ROBO1: variants seen among roughly 807,000 people sequenced by gnomAD.
ROBO1 encodes roundabout homolog 1.
ROBO1 carries 149 observed loss-of-function variants against 195.9 expected under a neutral mutation model. The observed-to-expected ratio is 0.76, with a 90% CI of 0.67 to 0.87. The LOEUF is 0.87. ROBO1 is among the 40% of genes least tolerant of loss of function. The pLI is 0.00. For synonymous variants in ROBO1, 816 were observed against 733.2 expected, an observed-to-expected ratio of 1.11 and a Z score of -1.82; for missense variants, 1,933 against 2,068.3, an observed-to-expected ratio of 0.93 and a Z score of 1.27.
At chr3:78,623,226 T>C (rs1034188442) in intron 26 of ROBO1, among the ~76,000 whole-genome samples, 1 of 152,152 alleles carries the variant, frequency 6.6e-6, no homozygotes, top group African/African-American at 2.4e-5. Flanking sequence ...CACATAAATA[T>C]GGCTCCTATC....
intron 3 of ROBO1, among the ~76,000 whole-genome samples, chr3:79,105,368 C>T (rs952616529): frequency 6.6e-5 from 10 of 151,664 alleles, no homozygotes; most frequent in Admixed American, 5.9e-4. Flanking sequence ...GAAACTGCAA[C>T]TTGCTGAAGA....
chr3:78,638,688 A>G (rs144848927), intron 22 of ROBO1, among the ~76,000 whole-genome samples: 2 of 151,808 alleles, frequency 1.3e-5, no homozygotes, highest in Admixed American at 1.3e-4. Context: ...TGAGCAACAT[A>G]GCAAGACCTG....
intron 1 of ROBO1, among the ~76,000 whole-genome samples, chr3:79,602,879 G>A (rs1576099491): frequency 6.6e-6 from 1 of 152,020 alleles, no homozygotes; most frequent in South Asian, 2.1e-4. Flanking sequence ...TGGTATTCTA[G>A]TATTTTGTAG....
intron 3 of ROBO1, among the ~76,000 whole-genome samples, chr3:78,957,910 C>T (rs777959516): frequency 2.0e-5 from 3 of 152,036 alleles, no homozygotes; most frequent in Non-Finnish European, 2.9e-5. Context: ...AACCCAATTA[C>T]GTTATTAAAA....
chr3:78,661,065 T>G lies in ROBO1; in HGVS notation c.2285A>C (p.Asp762Ala). 1 of 1,613,466 alleles carries G rather than the reference T, an allele frequency of 6.2e-7. No homozygotes were observed. ...GGTTTTGGCAAACTTGATTTCACTA[T>G]CTGCTCCTTGAAATTCATTAAAAAA... ...RPFFNEFQGADSEIKFAKTLE... is the reference protein window; with the variant it reads ...RPFFNEFQGAASEIKFAKTLE... The change falls in exon 16 of 31, where the codon GAT (aspartate) becomes GCT (alanine). Residue 762 changes from aspartate (D) to alanine (A), a missense_variant. Asp to Ala is a moderately radical substitution (Grantham distance 126). Coordinates refer to ENST00000464233, the MANE Select transcript of ROBO1 (RefSeq NM_002941.4).
chr3:78,813,529 C>T (rs1040146383), intron 4 of ROBO1, among the ~76,000 whole-genome samples: 1 of 152,048 alleles, frequency 6.6e-6, no homozygotes, highest in African/African-American at 2.4e-5. Flanking sequence ...ATCCTTACTT[C>T]CAGTTAATCA....
chr3:79,119,199 ATAAT>A (rs978315671), intron 3 of ROBO1, among the ~76,000 whole-genome samples: 3 of 152,212 alleles, frequency 2.0e-5, no homozygotes, highest in African/African-American at 4.8e-5. Flanking sequence ...TTTTTAAGAA[ATAAT>A]TAAGATAAAC....
At position 78,936,740 on chromosome 3, in the gene ROBO1, T is replaced by A. The variant is rs528633438; in HGVS notation, c.499+1861A>T. Among the ~76,000 whole-genome samples, 6 of 152,208 alleles carry A rather than the reference T, an allele frequency of 3.9e-5. No homozygotes were observed. The East Asian group carries it at 9.7e-4, about 24-fold the overall frequency. On this transcript the variant is annotated intron_variant, in intron 4 of 30. Coordinates refer to ENST00000464233, the MANE Select transcript of ROBO1 (RefSeq NM_002941.4). Reference sequence around the variant, plus strand: ...ACTTGAGCATTCATGGGTATTTGTATATACAGCAGTCCTGTAACCAATCGC... The same window carrying A: ...ACTTGAGCATTCATGGGTATTTGTAAATACAGCAGTCCTGTAACCAATCGC...
chr3:79,389,758 A>T (rs1398332015), intron 2 of ROBO1, among the ~76,000 whole-genome samples: 1 of 152,102 alleles, frequency 6.6e-6, no homozygotes, highest in African/African-American at 2.4e-5. Context: ...TTTATATGTA[A>T]CTAGTTTGTT....
rs57484234 is a variant in ROBO1 at position 79,229,891 on chromosome 3, A to G, written c.89-104352T>C. 1.3e-3 allele frequency among the ~76,000 whole-genome samples: 192 copies of G among 152,270 alleles called. 1 individual carries two copies. The highest frequency in any genetic ancestry group is 4.3e-3 in the African/African-American group (177 of 41,572). The stretch of plus-strand genomic sequence containing the variant: ...TTCTTATCAATGATCTTTCTCACTA[A>G]TAATTGAGAGTTTTCTTGATTTCAA... On this transcript the variant is annotated intron_variant, in intron 2 of 30. Transcript: ENST00000464233.
intron 2 of ROBO1, among the ~76,000 whole-genome samples, chr3:79,240,824 G>A (rs534666370): frequency 2.0e-5 from 3 of 151,766 alleles, no homozygotes; most frequent in Non-Finnish European, 4.4e-5. Flanking sequence ...AAATTTTTTT[G>A]TAGAGATGGG....
chr3:78,698,485 A>C (rs1191007597), intron 8 of ROBO1, among the ~76,000 whole-genome samples: 1 of 152,226 alleles, frequency 6.6e-6, no homozygotes, highest in Non-Finnish European at 1.5e-5. Flanking sequence ...AAATACTATG[A>C]ACTTTTCACC....
At chr3:79,015,602 C>T (rs1384183830) in intron 3 of ROBO1, among the ~76,000 whole-genome samples, 1 of 152,082 alleles carries the variant, frequency 6.6e-6, no homozygotes, top group Non-Finnish European at 1.5e-5. Flanking sequence ...TGCACCCTCC[C>T]ACCCCGCAAA....
At chr3:79,428,178 T>G (rs1247994247) in intron 2 of ROBO1, among the ~76,000 whole-genome samples, 3 of 151,884 alleles carry the variant, frequency 2.0e-5, no homozygotes, top group African/African-American at 7.3e-5. Flanking sequence ...GACATATAAG[T>G]GGCAAACAGG....
At chr3:79,503,241 G>A (rs925060741) in intron 2 of ROBO1, among the ~76,000 whole-genome samples, 1 of 152,138 alleles carries the variant, frequency 6.6e-6, no homozygotes, top group Admixed American at 6.5e-5. Flanking sequence ...CACCTTAAGA[G>A]CTGTAACACT....
intron 3 of ROBO1, among the ~76,000 whole-genome samples, chr3:79,075,351 A>G (rs936495787): frequency 6.6e-5 from 10 of 151,994 alleles, no homozygotes; most frequent in African/African-American, 2.2e-4. Context: ...TCTTCCTTCT[A>G]GAAATATAGG....
intron 1 of ROBO1, among the ~76,000 whole-genome samples, chr3:79,615,669 A>C (rs1003073004): frequency 2.0e-5 from 3 of 152,196 alleles, no homozygotes; most frequent in Non-Finnish European, 4.4e-5. Flanking sequence ...AAGACAGGCT[A>C]TATTGGCCTA....
intron 4 of ROBO1, among the ~76,000 whole-genome samples, chr3:78,892,873 T>G (rs2036987964): frequency 1.3e-5 from 2 of 152,194 alleles, no homozygotes; most frequent in South Asian, 4.1e-4. Context: ...CCCATTCCAC[T>G]CTCAAAAGAT....
intron 2 of ROBO1, among the ~76,000 whole-genome samples, chr3:79,161,741 C>G (rs1004676056): frequency 6.6e-6 from 1 of 152,052 alleles, no homozygotes; most frequent in Non-Finnish European, 1.5e-5. Context: ...ACTGCCATAG[C>G]CAGAGCTAGC....
Sources: allele counts gnomAD v4.1 joint callset (sites outside exome capture counted in the v4.1 genomes callset), GRCh38; gene constraint gnomAD v4.1.1; transcripts MANE v1.5; gene names NCBI Gene and HGNC (gene_info 2026-07-23, HGNC 2026-07-21).